Variants in ITFG1 observed in about 807,000 individuals in gnomAD.
ITFG1 encodes the protein integrin alpha FG-GAP repeat containing 1, also known as T-cell immunomodulatory protein.
A neutral mutation model predicts 81.8 loss-of-function variants in ITFG1; 34 were observed. That is an observed-to-expected ratio of 0.42 (90% CI 0.32 to 0.55). ITFG1 has a LOEUF of 0.55. Among genes scored for constraint, ITFG1 ranks in the 20% least tolerant of loss-of-function variants. ITFG1 has a pLI of 0.17. For missense variants in ITFG1, 672 were observed against 755.4 expected (o/e 0.89, Z 1.29); for synonymous variants, 285 against 270.6 (o/e 1.05, Z -0.52).
At chr16:47,191,873 G>A (rs772730023) in intron 14 of ITFG1, among the ~76,000 whole-genome samples, 1 of 152,128 alleles carries the variant, frequency 6.6e-6, no homozygotes, top group African/African-American at 2.4e-5. Context: ...GTGCAGTGAT[G>A]CGATCTTGGC....
At chr16:47,383,253 A>G (rs899997703) in intron 6 of ITFG1, among the ~76,000 whole-genome samples, 2 of 152,236 alleles carry the variant, frequency 1.3e-5, no homozygotes, top group African/African-American at 4.8e-5. Context: ...CCTGGCATCA[A>G]TAATTGCTAA....
intron 8 of ITFG1, among the ~76,000 whole-genome samples, chr16:47,342,945 A>G (rs1305768608): frequency 6.6e-6 from 1 of 152,150 alleles, no homozygotes; most frequent in Non-Finnish European, 1.5e-5. Context: ...CTTTCAATGC[A>G]ATCACACTCA....
intron 12 of ITFG1, among the ~76,000 whole-genome samples, chr16:47,248,943 A>G (rs758728206): frequency 6.6e-6 from 1 of 152,154 alleles, no homozygotes; most frequent in Non-Finnish European, 1.5e-5. Context: ...TCTTGAAGGC[A>G]ATAACTGTTT....
rs1020396592 is a variant in ITFG1 at position 47,377,992 on chromosome 16, T to TAA, written c.656-2054_656-2053dup. 2.0e-5 allele frequency among the ~76,000 whole-genome samples: 3 copies of TAA among 152,354 alleles called. No homozygotes were observed. In the East Asian group the frequency reaches 5.8e-4, roughly 29 times the overall value. The stretch of plus-strand genomic sequence containing the variant: ...GTCTTGGGGAAAGAAGGGTCTACGT[T>TAA]AAAGTGTTTCATTAAAAATAATCAC... On this transcript the variant is annotated intron_variant, in intron 6 of 17. Transcript: ENST00000320640.
chr16:47,437,741 C>T (rs866210900), intron 5 of ITFG1, among the ~76,000 whole-genome samples: 38 of 152,314 alleles, frequency 2.5e-4, no homozygotes, highest in Admixed American at 1.4e-3. Flanking sequence ...CAAATAGGAA[C>T]GGCTCCAGCC....
At chr16:47,216,112 A>T (rs989496135) in intron 14 of ITFG1, among the ~76,000 whole-genome samples, 1 of 152,210 alleles carries the variant, frequency 6.6e-6, no homozygotes, top group Non-Finnish European at 1.5e-5. Context: ...ATGGGTAGTG[A>T]ATATTACTGA....
chr16:47,412,287 G>A lies in ITFG1; in HGVS notation c.655+16517C>T, dbSNP rs370009517. 6.6e-5 allele frequency among the ~76,000 whole-genome samples: 10 copies of A among 152,224 alleles called. No individual in the cohort carries two copies. The East Asian group carries it at 1.9e-3, about 29-fold the overall frequency. Reference sequence around the variant, plus strand: ...TGAAATGGCTGAAATGACAGTCATAGAATTCAGAATCTGGATGGCCAAAAA... The same window carrying A: ...TGAAATGGCTGAAATGACAGTCATAAAATTCAGAATCTGGATGGCCAAAAA... On this transcript the variant is annotated intron_variant, in intron 6 of 17. Coordinates refer to ENST00000320640, the MANE Select transcript of ITFG1 (RefSeq NM_030790.5).
intron 10 of ITFG1, among the ~76,000 whole-genome samples, chr16:47,278,526 T>A (rs1372991175): frequency 1.3e-5 from 2 of 152,100 alleles, no homozygotes; most frequent in Non-Finnish European, 2.9e-5. Context: ...GCAAGAGAGA[T>A]GAGAAAGCAT....
intron 9 of ITFG1, 25 bp downstream of exon 9, chr16:47,313,704 T>C: frequency 7.7e-7 from 1 of 1,304,418 alleles, no homozygotes; most frequent in Non-Finnish European, 1.1e-6. Flanking sequence ...AAAAAAATGT[T>C]TACATTAAAA....
At chr16:47,381,987 T>C (rs1237968828) in intron 6 of ITFG1, among the ~76,000 whole-genome samples, 2 of 152,156 alleles carry the variant, frequency 1.3e-5, no homozygotes, top group Non-Finnish European at 2.9e-5. Flanking sequence ...CAGACAGTAG[T>C]AAGTGAGGGA....
intron 14 of ITFG1, among the ~76,000 whole-genome samples, chr16:47,197,268 C>T (rs1010010762): frequency 2.0e-5 from 3 of 152,222 alleles, no homozygotes; most frequent in South Asian, 2.1e-4. Flanking sequence ...CTTCTAGTTT[C>T]GGAAACCTGC....
At chr16:47,420,293 T>G (rs1462167898) in intron 6 of ITFG1, among the ~76,000 whole-genome samples, 1 of 152,190 alleles carries the variant, frequency 6.6e-6, no homozygotes, top group Non-Finnish European at 1.5e-5. Context: ...AATATTCTGA[T>G]GAGAAAAATA....
At chr16:47,255,981 A>AT (rs906090760) in intron 12 of ITFG1, among the ~76,000 whole-genome samples, 143 of 148,100 alleles carry the variant, frequency 9.7e-4, no homozygotes, top group African/African-American at 3.0e-3. Context: ...TTATTTTTTT[A>AT]TTTTTTTTTT....
intron 10 of ITFG1, among the ~76,000 whole-genome samples, chr16:47,290,221 C>T (rs969173628): frequency 3.3e-5 from 5 of 152,070 alleles, no homozygotes; most frequent in African/African-American, 9.7e-5. Flanking sequence ...TTTGTTGAGA[C>T]TTGTTTTGTG....
chr16:47,318,049 T>C (rs1278190962), intron 8 of ITFG1, among the ~76,000 whole-genome samples: 2 of 152,120 alleles, frequency 1.3e-5, no homozygotes, highest in African/African-American at 4.8e-5. Context: ...TAGGAACAGT[T>C]AGATTTGCAT....
At chr16:47,194,546 C>A (rs1965332890) in intron 14 of ITFG1, among the ~76,000 whole-genome samples, 1 of 152,148 alleles carries the variant, frequency 6.6e-6, no homozygotes. Flanking sequence ...TATAAACACC[C>A]TTCTGAGAAA....
At chr16:47,251,811 G>A (rs1254041802) in intron 12 of ITFG1, among the ~76,000 whole-genome samples, 1 of 152,172 alleles carries the variant, frequency 6.6e-6, no homozygotes, top group African/African-American at 2.4e-5. Context: ...TAGAACAATT[G>A]TAACAATAAA....
intron 8 of ITFG1, among the ~76,000 whole-genome samples, chr16:47,348,518 T>TA (rs1314699824): frequency 6.6e-6 from 1 of 152,028 alleles, no homozygotes. Context: ...GAAAAAAGAA[T>TA]AAAAAGAAAT....
intron 8 of ITFG1, among the ~76,000 whole-genome samples, chr16:47,350,372 T>C (rs1967932843): frequency 6.6e-6 from 1 of 151,986 alleles, no homozygotes; most frequent in Admixed American, 6.5e-5. Context: ...TAAAAAATGA[T>C]AAAGGGGATA....
Sources: gnomAD v4.1 joint callset for allele counts (sites outside exome capture counted in the v4.1 genomes callset) on GRCh38, gnomAD v4.1.1 for gene constraint, MANE v1.5 for transcripts, NCBI Gene and HGNC (gene_info 2026-07-23, HGNC 2026-07-21) for gene names.